Variants in STK32C observed in about 807,000 individuals in gnomAD.
The protein encoded by STK32C is serine/threonine kinase 32C, also known as serine/threonine-protein kinase 32C.
Under a neutral mutation model 56.5 loss-of-function variants are expected in STK32C, and 31 were observed. That is an observed-to-expected ratio of 0.55 (90% CI 0.41 to 0.74). The LOEUF is 0.74. Among genes scored for constraint, STK32C ranks in the 30% least tolerant of loss-of-function variants. STK32C has a pLI of 0.00. For missense variants in STK32C, 544 were observed against 676.9 expected (o/e 0.80, Z 2.18); for synonymous variants, 309 against 289.4 (o/e 1.07, Z -0.69).
At chr10:132,279,909 C>A (rs1436848473) in intron 1 of STK32C, among the ~76,000 whole-genome samples, 1 of 146,960 alleles carries the variant, frequency 6.8e-6, no homozygotes, top group East Asian at 2.0e-4. Flanking sequence ...CATGCCCCTA[C>A]ACTCCGTGAT....
At chr10:132,273,781 GTGAATGAA>G (rs1403173009) in intron 1 of STK32C, among the ~76,000 whole-genome samples, 3 of 152,114 alleles carry the variant, frequency 2.0e-5, no homozygotes, top group African/African-American at 7.2e-5. Context: ...CACATGGTAA[GTGAATGAA>G]TGCATGGTGA....
chr10:132,239,776 G>A (rs2063435531), intron 2 of STK32C, among the ~76,000 whole-genome samples: 1 of 152,232 alleles, frequency 6.6e-6, no homozygotes. Flanking sequence ...GGACACTAGG[G>A]GGCTGTCATG....
At chr10:132,272,764 G>A (rs2064870340) in intron 1 of STK32C, among the ~76,000 whole-genome samples, 1 of 152,284 alleles carries the variant, frequency 6.6e-6, no homozygotes, top group East Asian at 1.9e-4. Flanking sequence ...AACATGTCAA[G>A]CCCCGCTCTG....
chr10:132,276,538 T>C (rs1304858022), intron 1 of STK32C, among the ~76,000 whole-genome samples: 1 of 152,114 alleles, frequency 6.6e-6, no homozygotes, highest in Non-Finnish European at 1.5e-5. Flanking sequence ...TCCCAGCACT[T>C]TGGGAAGCCA....
chr10:132,268,707 C>G (rs1271707367), intron 1 of STK32C, among the ~76,000 whole-genome samples: 1 of 137,430 alleles, frequency 7.3e-6, no homozygotes, highest in Non-Finnish European at 1.5e-5. Flanking sequence ...ATGCATGTCT[C>G]ACATCGTGTG....
At chr10:132,258,555 C>G (rs2138048308) in intron 1 of STK32C, among the ~76,000 whole-genome samples, 1 of 152,356 alleles carries the variant, frequency 6.6e-6, no homozygotes, top group East Asian at 1.9e-4. Context: ...ATGCGCTCTC[C>G]CGGGTGGCTG....
chr10:132,313,537 C>G (rs1025785693), intron 1 of STK32C, among the ~76,000 whole-genome samples: 5 of 152,252 alleles, frequency 3.3e-5, no homozygotes, highest in African/African-American at 1.2e-4. Context: ...AGGGGATGCA[C>G]AGAGGGCTGC....
chr10:132,273,691 G>A (rs1225650447), intron 1 of STK32C, among the ~76,000 whole-genome samples: 3 of 152,130 alleles, frequency 2.0e-5, no homozygotes, highest in Admixed American at 2.0e-4. Context: ...TGAGATGAAT[G>A]AGTAAATGAA....
chr10:132,210,972 C>T (rs959756136), intron 10 of STK32C, among the ~76,000 whole-genome samples: 2 of 152,214 alleles, frequency 1.3e-5, no homozygotes, highest in East Asian at 1.9e-4. Context: ...ACGGTGTGAG[C>T]GGCCAGCACC....
chr10:132,218,144 T>A (rs537369661), intron 10 of STK32C, among the ~76,000 whole-genome samples: 4 of 152,186 alleles, frequency 2.6e-5, no homozygotes, highest in African/African-American at 9.6e-5. Flanking sequence ...TGAGACCCTG[T>A]CTCTACAACA....
intron 1 of STK32C, chr10:132,249,252 G>T: frequency 2.8e-6 from 1 of 353,990 alleles, no homozygotes; most frequent in Non-Finnish European, 5.6e-6. Flanking sequence ...GGGCTGTGGG[G>T]TTAGGGGCAT....
At chr10:132,234,053 TCAAA>T (rs1459684974) in intron 2 of STK32C, among the ~76,000 whole-genome samples, 1 of 152,192 alleles carries the variant, frequency 6.6e-6, no homozygotes, top group Non-Finnish European at 1.5e-5. Flanking sequence ...TTGGCTATCT[TCAAA>T]CAGAGCTTGG....
At chr10:132,237,662 C>T (rs1297973333) in intron 2 of STK32C, among the ~76,000 whole-genome samples, 3 of 152,126 alleles carry the variant, frequency 2.0e-5, no homozygotes, top group Non-Finnish European at 2.9e-5. Flanking sequence ...GGGCTGGCCC[C>T]GGTGCAGCTC....
At chr10:132,225,843 ATC>A in intron 4 of STK32C, 59 bp from the exon 5 acceptor site, 1 of 1,608,122 alleles carries the variant, frequency 6.2e-7, no homozygotes, top group East Asian at 2.2e-5. Context: ...CTGCCCTGGA[ATC>A]TCTGTCACAA....
chr10:132,225,411 T>C, intron 6 of STK32C, 75 bp from the exon 7 acceptor site: 1 of 1,583,274 alleles, frequency 6.3e-7, no homozygotes, highest in Admixed American at 1.7e-5. Flanking sequence ...GCCGGCACCT[T>C]GAGGCCACAT....
intron 1 of STK32C, among the ~76,000 whole-genome samples, chr10:132,273,335 G>A (rs1308046457): frequency 3.3e-5 from 5 of 152,026 alleles, no homozygotes. Context: ...TCTAGGGTGG[G>A]GCAACTGCAG....
Position 132,307,545 on chromosome 10 carries a change from C to T in STK32C, c.262+27G>A, listed in dbSNP as rs754658333. The T allele has an allele frequency of 9.0e-5, 138 of 1,538,480 alleles. No individual in the cohort carries two copies. The highest frequency in any genetic ancestry group is 1.2e-4 in the Non-Finnish European group (134 of 1,145,016). On this transcript the variant is annotated intron_variant, in intron 1 of 11. Coordinates refer to ENST00000298630, the MANE Select transcript of STK32C (RefSeq NM_173575.4). This position sits in a 1 kb window ranked among gnomAD's most constrained non-coding sequence, Gnocchi z 4.4. ...CCGCCCCTGCAATAGCGCGCGGCCC[C>T]CACGTCGTCCCCGTGCCCGCACTCA...
chr10:132,225,016 G>C (rs947814613), intron 7 of STK32C, among the ~76,000 whole-genome samples: 1 of 152,042 alleles, frequency 6.6e-6, no homozygotes, highest in African/African-American at 2.4e-5. Context: ...GCAGGCACCA[G>C]CAGCGGCCCC....
At chr10:132,257,256 G>A (rs1251076975) in intron 1 of STK32C, among the ~76,000 whole-genome samples, 2 of 152,094 alleles carry the variant, frequency 1.3e-5, no homozygotes, top group East Asian at 3.9e-4. Flanking sequence ...GTCAAGGCTG[G>A]AAAAAGCCCT....
Sources: gnomAD v4.1 joint callset for allele counts (sites outside exome capture counted in the v4.1 genomes callset) on GRCh38, gnomAD v4.1.1 for gene constraint, Gnocchi (gnomAD v3.1) non-coding constraint, MANE v1.5 for transcripts, NCBI Gene and HGNC (gene_info 2026-07-23, HGNC 2026-07-21) for gene names.